Variants in CADPS2 observed in about 807,000 individuals in gnomAD.
The protein encoded by CADPS2 is calcium-dependent secretion activator 2.
Under a neutral mutation model 172.5 loss-of-function variants are expected in CADPS2, and 93 were observed. The observed-to-expected ratio is 0.54, with a 90% CI of 0.46 to 0.64. The LOEUF (loss-of-function observed/expected upper bound fraction) is 0.64. Among genes scored for constraint, CADPS2 ranks in the 30% least tolerant of loss-of-function variants. The pLI, the probability that CADPS2 is intolerant of heterozygous loss-of-function variation, is 0.00. For missense variants in CADPS2, 1,420 were observed against 1,565.9 expected (o/e 0.91, Z 1.57); for synonymous variants, 546 against 555.2 (o/e 0.98, Z 0.23).
At chr7:122,865,096 ACT>A (rs1489113120) in intron 1 of CADPS2, among the ~76,000 whole-genome samples, 1 of 151,744 alleles carries the variant, frequency 6.6e-6, no homozygotes, top group East Asian at 1.9e-4. Flanking sequence ...GGGAGTTCTC[ACT>A]CTGTTAGTTT....
In CADPS2 at chr7:122,821,478, C is replaced by T. The variant is rs767314043; in HGVS notation, c.339+64521G>A. Among the ~76,000 whole-genome samples the T allele has an allele frequency of 3.9e-4, 60 of 152,278 alleles. 1 individual carries two copies. The highest frequency in any genetic ancestry group is 3.4e-3 in the Middle Eastern group (1 of 294). On this transcript the variant is annotated intron_variant, in intron 1 of 29. Coordinates refer to ENST00000449022, the MANE Select transcript of CADPS2 (RefSeq NM_017954.11). ...GCCCCACCCAGGACTGGCAAATTAG[C>T]TTTACTCAACATGCCCTGAGTCAGG...
chr7:122,734,320 G>A (rs1021775548), intron 2 of CADPS2, among the ~76,000 whole-genome samples: 1 of 103,638 alleles, frequency 9.6e-6, no homozygotes, highest in African/African-American at 3.5e-5. Context: ...TATTCAAAAT[G>A]GCAACTGTGA....
At chr7:122,323,760 T>C (rs1369512269) in intron 29 of CADPS2, among the ~76,000 whole-genome samples, 1 of 151,260 alleles carries the variant, frequency 6.6e-6, no homozygotes, top group African/African-American at 2.4e-5. Flanking sequence ...AGGCATTAGC[T>C]TGAAAATATG....
intron 1 of CADPS2, among the ~76,000 whole-genome samples, chr7:122,814,814 G>C (rs1563081868): frequency 6.6e-6 from 1 of 152,082 alleles, no homozygotes; most frequent in Non-Finnish European, 1.5e-5. Flanking sequence ...CTATTTTATT[G>C]AGAAGAATTA....
intron 2 of CADPS2, among the ~76,000 whole-genome samples, chr7:122,717,335 T>A (rs2089751480): frequency 6.6e-6 from 1 of 152,104 alleles, no homozygotes; most frequent in Non-Finnish European, 1.5e-5. Flanking sequence ...ATGTGTAAAT[T>A]GAGGGTAAAA....
chr7:122,322,522 C>T (rs1056749447), intron 29 of CADPS2, among the ~76,000 whole-genome samples: 4 of 152,172 alleles, frequency 2.6e-5, no homozygotes, highest in Admixed American at 6.5e-5. Flanking sequence ...AAGACAAGTG[C>T]CTGCCACAGA....
chr7:122,608,800 C>T (rs908329795), intron 6 of CADPS2, among the ~76,000 whole-genome samples: 1 of 152,064 alleles, frequency 6.6e-6, no homozygotes, highest in Non-Finnish European at 1.5e-5. Flanking sequence ...TTTTCTCTAA[C>T]AAATGTTACT....
At chr7:122,815,999 A>G (rs1227809652) in intron 1 of CADPS2, among the ~76,000 whole-genome samples, 3 of 152,170 alleles carry the variant, frequency 2.0e-5, no homozygotes, top group African/African-American at 4.8e-5. Flanking sequence ...CATCTCAGGT[A>G]TTTATCATTT....
chr7:122,577,355 G>C (rs747317418), intron 7 of CADPS2, among the ~76,000 whole-genome samples: 81 of 152,118 alleles, frequency 5.3e-4, no homozygotes, highest in Non-Finnish European at 1.5e-4. Context: ...ACCCACCTCA[G>C]CTCAATTCTT....
intron 3 of CADPS2, among the ~76,000 whole-genome samples, chr7:122,645,082 T>A (rs1194896655): frequency 1.3e-5 from 2 of 151,648 alleles, no homozygotes; most frequent in Non-Finnish European, 2.9e-5. Flanking sequence ...CTATATTAAA[T>A]AATGGATCAA....
intron 25 of CADPS2, chr7:122,366,781 G>A (rs1585310589): frequency 6.7e-6 from 1 of 148,652 alleles, no homozygotes; most frequent in African/African-American, 2.5e-5. Context: ...TGTGAATCCA[G>A]CTGCGAAACT....
chr7:122,540,729 T>G (rs2062825713), intron 8 of CADPS2, among the ~76,000 whole-genome samples: 2 of 152,120 alleles, frequency 1.3e-5, no homozygotes, highest in Admixed American at 6.6e-5. Flanking sequence ...CACTGAATAT[T>G]TGGTAGCAGG....
intron 1 of CADPS2, among the ~76,000 whole-genome samples, chr7:122,743,924 C>G (rs1046377831): frequency 2.0e-5 from 3 of 152,138 alleles, no homozygotes; most frequent in African/African-American, 7.2e-5. Context: ...ACATTATAAA[C>G]CCTGTGGGAT....
intron 3 of CADPS2, among the ~76,000 whole-genome samples, chr7:122,636,998 T>G (rs534394553): frequency 1.4e-4 from 22 of 152,166 alleles, no homozygotes; most frequent in African/African-American, 5.1e-4. Context: ...GTAGATTTGG[T>G]GTCTTCATAT....
At position 122,411,709 on chromosome 7, in the gene CADPS2, A is replaced by G. The variant is rs1399134423; in HGVS notation, c.2589+2359T>C. ...ATCCTAAAGGTTCTGGAGACAATCC[A>G]GTGTCTATAGTATCCCCTGCCCCTG... On this transcript the variant is annotated intron_variant, in intron 19 of 29. Coordinates refer to ENST00000449022, the MANE Select transcript of CADPS2 (RefSeq NM_017954.11). Among the ~76,000 whole-genome samples, 3 of 152,160 alleles carry G rather than the reference A, an allele frequency of 2.0e-5. No homozygotes were observed. The East Asian group carries it at 5.8e-4, about 29-fold the overall frequency.
At chr7:122,775,882 T>C (rs2093865647) in intron 1 of CADPS2, among the ~76,000 whole-genome samples, 1 of 152,178 alleles carries the variant, frequency 6.6e-6, no homozygotes, top group African/African-American at 2.4e-5. Flanking sequence ...GTTCTGCTAG[T>C]TTCAATGTCT....
Position 122,698,581 on chromosome 7 carries a change from G to A in CADPS2, c.454-35012C>T, listed in dbSNP as rs140314206. On this transcript the variant is annotated intron_variant, in intron 2 of 29. Transcript: ENST00000449022. ...CTCAGTTGCCACTTTAATTTTCTGT[G>A]TGAAGGTACAACCTCCCCGTTCAAT... 32 of 1,613,996 alleles carry A rather than the reference G, an allele frequency of 2.0e-5. No individual in the cohort carries two copies. In the African/African-American group the frequency reaches 2.8e-4, roughly 14 times the overall value.
At chr7:122,366,515 G>T (rs1271909474) in intron 25 of CADPS2, among the ~76,000 whole-genome samples, 2 of 150,546 alleles carry the variant, frequency 1.3e-5, no homozygotes, top group Non-Finnish European at 1.5e-5. Flanking sequence ...TGAGGCAGGA[G>T]AATCGCTTGA....
At chr7:122,433,154 G>A (rs1039920621) in intron 17 of CADPS2, among the ~76,000 whole-genome samples, 2 of 151,572 alleles carry the variant, frequency 1.3e-5, no homozygotes, top group African/African-American at 2.4e-5. Context: ...AGGCGTGTGT[G>A]TGTGTGTGTG....
Sources: allele counts gnomAD v4.1 joint callset (sites outside exome capture counted in the v4.1 genomes callset), GRCh38; gene constraint gnomAD v4.1.1; transcripts MANE v1.5; gene names NCBI Gene and HGNC (gene_info 2026-07-23, HGNC 2026-07-21).